The following RNF10 variants were observed in gnomAD, a reference collection of about 807,000 sequenced individuals.
The protein encoded by RNF10 is ring finger protein 10.
A neutral mutation model predicts 91.4 loss-of-function variants in RNF10; 38 were observed. The ratio of observed to expected loss-of-function variants is 0.42; its 90% CI spans 0.32 to 0.54. The LOEUF (loss-of-function observed/expected upper bound fraction) is 0.54, where lower values mean the gene tolerates loss of function less well. RNF10 is among the 20% of genes least tolerant of loss of function. The pLI is 0.16. For missense variants in RNF10, 945 were observed against 1,012.0 expected (o/e 0.93, Z 0.90); for synonymous variants, 364 against 366.3 (o/e 0.99, Z 0.07).
intron 1 of RNF10, among the ~76,000 whole-genome samples, chr12:120,545,213 C>T (rs1872138045): frequency 6.6e-6 from 1 of 152,216 alleles, no homozygotes; most frequent in Non-Finnish European, 1.5e-5. Context: ...CGGAGTCTCG[C>T]CCTGTCACCC....
intron 10 of RNF10, 57 bp downstream of exon 10, chr12:120,564,000 G>C: frequency 1.3e-6 from 2 of 1,599,582 alleles, no homozygotes; most frequent in Non-Finnish European, 1.7e-6. Flanking sequence ...TAATCTCTTT[G>C]AGGTAGGCCT....
In RNF10 at chr12:120,534,872, T is replaced by A; in HGVS notation, c.61T>A (p.Ser21Thr). Residue 21 changes from serine (S) to threonine (T), a missense_variant, in exon 1 of 17, where the codon TCC (serine) becomes ACC (threonine). Transcript: ENST00000325954. ...CTCCGACATGGACAAGAACAGCGGC[T>A]CCAACAGCTCCTCCGCCTCTTCGGG... ...TASDMDKNSG[S>T]NSSSASSGSS... is the part of the protein sequence containing the mutation. 6.2e-7 allele frequency: 1 copy of A among 1,608,210 alleles called. No homozygotes were observed. Among genetic ancestry groups the A allele is most frequent in the Non-Finnish European group, 8.5e-7 (1 of 1,179,590 alleles).
chr12:120,563,989 C>T (rs200067824), intron 10 of RNF10, 46 bp downstream of exon 10: 1 of 1,610,922 alleles, frequency 6.2e-7, no homozygotes, highest in Non-Finnish European at 8.5e-7. Context: ...CAGTATTAAC[C>T]TAATCTCTTT....
At chr12:120,546,712 A>G in intron 2 of RNF10, 111 bp downstream of exon 2, 1 of 951,468 alleles carries the variant, frequency 1.1e-6, no homozygotes, top group African/African-American at 1.6e-5. Context: ...AGAGGAATAG[A>G]TAATCAAAGC....
Position 120,535,815 on chromosome 12 carries a change from T to G in RNF10, c.157+847T>G, listed in dbSNP as rs1870692201. Among the ~76,000 whole-genome samples, 7 of 152,198 alleles carry G rather than the reference T, an allele frequency of 4.6e-5. No individual in the cohort carries two copies. In the South Asian group the frequency reaches 1.4e-3, roughly 32 times the overall value. On this transcript the variant is annotated intron_variant, in intron 1 of 16. Coordinates refer to ENST00000325954, the MANE Select transcript of RNF10 (RefSeq NM_014868.5). ...AATTGAGGGCTTACCATGTGCCAAG[T>G]ACTAGGTGAAGTTTTTACCTCTGTT...
intron 14 of RNF10, among the ~76,000 whole-genome samples, chr12:120,573,627 C>T (rs1009018714): frequency 5.3e-5 from 8 of 151,512 alleles, no homozygotes; most frequent in Non-Finnish European, 8.8e-5. Context: ...ACTCTGCTGG[C>T]TGGAGGACTG....
At chr12:120,536,824 A>C (rs188665418) in intron 1 of RNF10, among the ~76,000 whole-genome samples, 1 of 152,348 alleles carries the variant, frequency 6.6e-6, no homozygotes, top group Admixed American at 6.5e-5. Flanking sequence ...TTAAGCCACT[A>C]ACATACATTC....
chr12:120,561,296 C>T (rs1416075948), intron 7 of RNF10, among the ~76,000 whole-genome samples: 2 of 152,124 alleles, frequency 1.3e-5, no homozygotes, highest in Non-Finnish European at 2.9e-5. Context: ...TTATGGCCTG[C>T]CCAGTATGCC....
intron 14 of RNF10, 42 bp from the exon 15 acceptor site, chr12:120,575,589 G>A (rs1380003958): frequency 1.2e-6 from 2 of 1,611,310 alleles, no homozygotes; most frequent in African/African-American, 2.7e-5. Context: ...AGTTGGACCA[G>A]CTACTTAAAT....
At chr12:120,552,921 G>C (rs1160567158) in intron 3 of RNF10, among the ~76,000 whole-genome samples, 1 of 151,700 alleles carries the variant, frequency 6.6e-6, no homozygotes, top group African/African-American at 2.4e-5. Context: ...TTAGTATCAT[G>C]ATAAGGTAGA....
At chr12:120,567,617 C>T (rs1395260780) in intron 13 of RNF10, among the ~76,000 whole-genome samples, 1 of 151,332 alleles carries the variant, frequency 6.6e-6, no homozygotes, top group Non-Finnish European at 1.5e-5. Flanking sequence ...AACAGAATTG[C>T]TTGAACCTGG....
intron 4 of RNF10, 121 bp from the exon 5 acceptor site, chr12:120,557,161 A>G (rs1874171081): frequency 8.8e-6 from 7 of 799,942 alleles, no homozygotes; most frequent in Non-Finnish European, 1.4e-5. Flanking sequence ...TATGTTGAGT[A>G]TAAGGATGTA....
At position 120,557,304 on chromosome 12, in the gene RNF10, C is replaced by T. The variant is rs1456287361; in HGVS notation, c.668C>T (p.Pro223Leu). The change falls in exon 5 of 17, where the codon CCA becomes CTA. Residue 223 changes from proline to leucine, a missense_variant. Physicochemically the swap from Pro to Leu is moderately conservative, Grantham distance 98. Coordinates refer to ENST00000325954, the MANE Select transcript of RNF10 (RefSeq NM_014868.5). ...EQVRICSHEV[P>L]SCPICLYPPT... ...CAGCGCATTTGTAGCCATGAAGTGC[C>T]ATCTTGCCCAATATGCCTCTATCCA... The T allele has an allele frequency of 3.7e-6, 6 of 1,613,926 alleles. No individual in the cohort carries two copies. The highest frequency in any genetic ancestry group is 2.2e-5 in the East Asian group (1 of 44,898).
At chr12:120,541,099 C>G (rs891592874) in intron 1 of RNF10, among the ~76,000 whole-genome samples, 3 of 152,144 alleles carry the variant, frequency 2.0e-5, no homozygotes, top group African/African-American at 7.2e-5. Flanking sequence ...TCAGGTGATC[C>G]GCCCGCCTCG....
In RNF10 at chr12:120,534,669, A is replaced by G. The variant is rs1287380775; in HGVS notation, c.-143A>G. The G allele has an allele frequency of 9.5e-6, 13 of 1,370,146 alleles. 1 individual carries two copies. Among genetic ancestry groups the G allele is most frequent in the East Asian group, 9.2e-5 (3 of 32,666 alleles). The allele number at this position is 1,370,146 out of a possible 1,614,324, so 84.9% of individuals were successfully genotyped here. On this transcript the variant is annotated 5_prime_UTR_variant, in exon 1 of 17. Transcript: ENST00000325954. ...GCTTCTCTTCCTAGTTTGAGAAGCC[A>G]AGGAAGGAAACAGGGAAAAATGTCG...
rs200696006 is a variant in RNF10 at position 120,576,675 on chromosome 12, G to A, written c.*9G>A. The A allele has an allele frequency of 8.7e-6, 14 of 1,606,220 alleles. No homozygotes were observed. The African/African-American group carries it at 1.7e-4, about 20-fold the overall frequency. On this transcript the variant is annotated 3_prime_UTR_variant, in exon 17 of 17. Transcript: ENST00000325954. The stretch of plus-strand genomic sequence containing the variant: ...TCGTCCACACCAAGTGACACTACTG[G>A]CCCAGGCTACCTTCTCCATCTGGTT...
At chr12:120,536,017 A>G (rs1224986103) in intron 1 of RNF10, among the ~76,000 whole-genome samples, 1 of 152,186 alleles carries the variant, frequency 6.6e-6, no homozygotes, top group Non-Finnish European at 1.5e-5. Context: ...TCACATTAGC[A>G]GTAATAGGAA....
Position 120,546,435 on chromosome 12 carries a change from A to G in RNF10, c.188A>G (p.Tyr63Cys). 7 of 1,613,820 alleles carry G rather than the reference A, an allele frequency of 4.3e-6. No individual in the cohort carries two copies. Among genetic ancestry groups the G allele is most frequent in the Non-Finnish European group, 5.9e-6 (7 of 1,179,926 alleles). ...DGKNSSGSKR[Y>C]NRKRELSYPK... is the part of the protein sequence containing the mutation. Reference sequence around the variant, plus strand: ...AAGAACTCCAGTGGATCCAAGCGTTATAATCGCAAACGTGAACTTTCCTAC... The same window carrying G: ...AAGAACTCCAGTGGATCCAAGCGTTGTAATCGCAAACGTGAACTTTCCTAC... Residue 63 changes from tyrosine (Y) to cysteine (C), a missense_variant, in exon 2 of 17, where the codon TAT (tyrosine) becomes TGT (cysteine). Transcript: ENST00000325954.
intron 3 of RNF10, among the ~76,000 whole-genome samples, chr12:120,553,750 C>G (rs1412107786): frequency 6.6e-6 from 1 of 152,040 alleles, no homozygotes; most frequent in African/African-American, 2.4e-5. Context: ...AGTTGAAGTG[C>G]TTGGCATACA....
Sources: gnomAD v4.1 joint callset for allele counts (sites outside exome capture counted in the v4.1 genomes callset) on GRCh38, gnomAD v4.1.1 for gene constraint, MANE v1.5 for transcripts, NCBI Gene and HGNC (gene_info 2026-07-23, HGNC 2026-07-21) for gene names.